Variants in INPP5A observed in about 807,000 individuals in gnomAD.
The protein encoded by INPP5A is 43 kDa inositol polyphosphate 5-phophatase.
INPP5A carries 14 observed loss-of-function variants against 65.2 expected under a neutral mutation model. The observed-to-expected ratio is 0.21, with a 90% CI of 0.14 to 0.34. INPP5A has a LOEUF of 0.34. Among genes scored for constraint, INPP5A ranks in the 10% least tolerant of loss-of-function variants. INPP5A has a pLI of 1.00. For synonymous variants in INPP5A, 207 were observed against 208.3 expected (o/e 0.99, Z 0.05); for missense variants, 431 against 545.6 (o/e 0.79, Z 2.09).
At chr10:132,608,591 G>A (rs934884052) in intron 2 of INPP5A, among the ~76,000 whole-genome samples, 4 of 152,326 alleles carry the variant, frequency 2.6e-5, no homozygotes, top group South Asian at 2.1e-4. Context: ...GTGGGGTGGC[G>A]CCAGAGGCCT....
chr10:132,553,426 G>A lies in INPP5A; in HGVS notation c.75+15255G>A, dbSNP rs575284797. ...GTGGAATATTGAGTAGGATAGGGAG[G>A]GAGGACTGGTGAACGCCTTCTCAGA... is the stretch of plus-strand genomic sequence containing the variant. On this transcript the variant is annotated intron_variant, in intron 1 of 15. Transcript: ENST00000368594. Among the ~76,000 whole-genome samples, 9 of 143,948 alleles carry A rather than the reference G, an allele frequency of 6.3e-5. No individual in the cohort carries two copies. The South Asian group carries it at 2.1e-3, about 33-fold the overall frequency. The allele number at this position is 143,948 out of a possible 152,430, so 94.4% of individuals were successfully genotyped here.
intron 1 of INPP5A, among the ~76,000 whole-genome samples, chr10:132,576,295 C>T (rs1234541995): frequency 3.9e-5 from 6 of 152,352 alleles, no homozygotes; most frequent in Middle Eastern, 3.4e-3. Context: ...CTGAGGCTCA[C>T]AGCACAGCTC....
intron 2 of INPP5A, among the ~76,000 whole-genome samples, chr10:132,632,024 G>A (rs543973794): frequency 2.0e-5 from 3 of 152,230 alleles, no homozygotes; most frequent in Non-Finnish European, 4.4e-5. Context: ...AGACTCGTGG[G>A]TGGAGATGTG....
chr10:132,765,013 G>A (rs550219723), intron 11 of INPP5A, among the ~76,000 whole-genome samples: 2 of 138,404 alleles, frequency 1.4e-5, no homozygotes, highest in Non-Finnish European at 3.0e-5. Flanking sequence ...TCAGGAACAC[G>A]GCCGGGCCAG....
intron 8 of INPP5A, among the ~76,000 whole-genome samples, chr10:132,726,558 C>G (rs1463107212): frequency 2.6e-5 from 4 of 152,238 alleles, no homozygotes; most frequent in Non-Finnish European, 5.9e-5. Context: ...GCAGCTGAGA[C>G]TCTGCCTTTC....
Position 132,589,807 on chromosome 10 carries a change from C to T in INPP5A, c.76-18108C>T, listed in dbSNP as rs575008870. 5.9e-5 allele frequency among the ~76,000 whole-genome samples: 9 copies of T among 152,342 alleles called. No individual in the cohort carries two copies. In the East Asian group the frequency reaches 1.7e-3, roughly 30 times the overall value. ...ACGCTCCTGGCTTTCCACTCTCGCC[C>T]TGTGCAGACCAGCAGTGCGAGGGGT... is the stretch of plus-strand genomic sequence containing the variant. On this transcript the variant is annotated intron_variant, in intron 1 of 15. Coordinates refer to ENST00000368594, the MANE Select transcript of INPP5A (RefSeq NM_005539.5).
intron 1 of INPP5A, among the ~76,000 whole-genome samples, chr10:132,606,292 G>A (rs2071848070): frequency 6.6e-6 from 1 of 152,002 alleles, no homozygotes; most frequent in Admixed American, 6.5e-5. Flanking sequence ...CCTCAGTGGC[G>A]GGACAGCGGC....
Position 132,637,469 on chromosome 10 carries a change from T to C in INPP5A, c.118-8399T>C, listed in dbSNP as rs1229188380. On this transcript the variant is annotated intron_variant, in intron 2 of 15. Coordinates refer to ENST00000368594, the MANE Select transcript of INPP5A (RefSeq NM_005539.5). The surrounding 1 kb of genome is among the most constrained non-coding windows in gnomAD (Gnocchi z 4.1). ...GTTATAGTTTTAAATGTTAGGTGTT[T>C]CGGGTGTCCTTTGGGTCCCTGATCC... Among the ~76,000 whole-genome samples, 1 of 152,230 alleles carries C rather than the reference T, an allele frequency of 6.6e-6. No individual in the cohort carries two copies. The highest frequency in any genetic ancestry group is 1.5e-5 in the Non-Finnish European group (1 of 68,042).
chr10:132,689,816 C>T (rs1334217703), intron 4 of INPP5A, among the ~76,000 whole-genome samples: 2 of 152,200 alleles, frequency 1.3e-5, no homozygotes, highest in Non-Finnish European at 2.9e-5. Context: ...GCAGGGATCC[C>T]TGTGCTCTGC....
chr10:132,774,640 CTTG>C (rs1847013770), intron 12 of INPP5A, among the ~76,000 whole-genome samples: 1 of 152,114 alleles, frequency 6.6e-6, no homozygotes, highest in Non-Finnish European at 1.5e-5. Context: ...GGCTTTTAAG[CTTG>C]TTGTCTGCTT....
At chr10:132,703,518 CA>C (rs1404515668) in intron 6 of INPP5A, among the ~76,000 whole-genome samples, 1 of 148,340 alleles carries the variant, frequency 6.7e-6, no homozygotes, top group Non-Finnish European at 1.5e-5. Flanking sequence ...CACACACACA[CA>C]CACACTCACA....
chr10:132,647,867 A>C (rs1485487728), intron 3 of INPP5A, among the ~76,000 whole-genome samples: 3 of 152,264 alleles, frequency 2.0e-5, no homozygotes, highest in Non-Finnish European at 4.4e-5. Context: ...AGGCAACATT[A>C]AAAATTTCAG....
intron 8 of INPP5A, among the ~76,000 whole-genome samples, chr10:132,724,540 C>T (rs1845949835): frequency 6.6e-6 from 1 of 152,208 alleles, no homozygotes; most frequent in Admixed American, 6.5e-5. Flanking sequence ...CCAGCAGGAG[C>T]ACGTGTTCAC....
rs1192448071 is a variant in INPP5A at position 132,549,303 on chromosome 10, A to G, written c.75+11132A>G. ...TTCCGGGAGCTGCTCAATTCTTCCC[A>G]TAGTTGCTGCCCCATTCGTGCCCCG... On this transcript the variant is annotated intron_variant, in intron 1 of 15. Coordinates refer to ENST00000368594, the MANE Select transcript of INPP5A (RefSeq NM_005539.5). The surrounding 1 kb of genome is among the most constrained non-coding windows in gnomAD (Gnocchi z 4.9). 6.6e-6 allele frequency among the ~76,000 whole-genome samples: 1 copy of G among 152,006 alleles called. No individual in the cohort carries two copies. Among genetic ancestry groups the G allele is most frequent in the Non-Finnish European group, 1.5e-5 (1 of 68,002 alleles).
chr10:132,688,931 CAT>C (rs775670130), intron 4 of INPP5A, among the ~76,000 whole-genome samples: 1 of 150,880 alleles, frequency 6.6e-6, no homozygotes, highest in Admixed American at 6.6e-5. Flanking sequence ...TGCATGTGTG[CAT>C]GTTAGTGCCT....
chr10:132,698,041 C>T lies in INPP5A; in HGVS notation c.474+122C>T, dbSNP rs889794084. The T allele has an allele frequency of 2.3e-4, 159 of 685,048 alleles. No individual in the cohort carries two copies. Among genetic ancestry groups the T allele is most frequent in the Non-Finnish European group, 2.1e-4 (78 of 377,542 alleles). The allele number at this position is 685,048 out of a possible 1,614,324, so 42.4% of individuals were successfully genotyped here. A position where few individuals can be genotyped will look rare whatever the true frequency, so the allele number is the denominator to read the frequency against. On this transcript the variant is annotated intron_variant, in intron 6 of 15. Transcript: ENST00000368594. This position sits in a 1 kb window ranked among gnomAD's most constrained non-coding sequence, Gnocchi z 5.5. ...AGTCACAGCTGCCTGTTGTTACCTC[C>T]GATAATCTGTCTTCCTGGGAGTCCA... is the stretch of plus-strand genomic sequence containing the variant.
Position 132,741,783 on chromosome 10 carries a change from G to A in INPP5A, c.733-7734G>A, listed in dbSNP as rs563308723. Among the ~76,000 whole-genome samples, 7 of 150,814 alleles carry A rather than the reference G, an allele frequency of 4.6e-5. No homozygotes were observed. The highest frequency in any genetic ancestry group is 8.9e-5 in the Non-Finnish European group (6 of 67,692). On this transcript the variant is annotated intron_variant, in intron 9 of 15. Transcript: ENST00000368594. This position sits in a 1 kb window ranked among gnomAD's most constrained non-coding sequence, Gnocchi z 4.4. The stretch of plus-strand genomic sequence containing the variant: ...GAGGTGGACGTCAGTGTCCGCGTCC[G>A]CTTGCTTTACTCAATAGCCGACGTA...
chr10:132,638,933 A>G (rs543034283), intron 2 of INPP5A, among the ~76,000 whole-genome samples: 2 of 152,114 alleles, frequency 1.3e-5, no homozygotes, highest in Non-Finnish European at 2.9e-5. Flanking sequence ...TATAAGTTAC[A>G]TATATATATG....
intron 2 of INPP5A, among the ~76,000 whole-genome samples, chr10:132,621,784 CTTTTTT>C: frequency 7.3e-6 from 1 of 136,190 alleles, no homozygotes; most frequent in African/African-American, 2.7e-5. Context: ...GGGGGTATGT[CTTTTTT>C]TTTTTTTTTT....
Sources: allele counts gnomAD v4.1 joint callset (sites outside exome capture counted in the v4.1 genomes callset), GRCh38; gene constraint gnomAD v4.1.1; non-coding constraint Gnocchi (gnomAD v3.1); transcripts MANE v1.5; gene names NCBI Gene and HGNC (gene_info 2026-07-23, HGNC 2026-07-21).